The following YTHDC2 variants were observed in gnomAD, a reference collection of about 807,000 sequenced individuals.
The protein encoded by YTHDC2 is 3'-5' RNA helicase YTHDC2.
YTHDC2 carries 45 observed loss-of-function variants against 174.9 expected under a neutral mutation model. That is an observed-to-expected ratio of 0.26 (90% CI 0.20 to 0.33). YTHDC2 has a LOEUF of 0.33. Ranked by LOEUF, YTHDC2 falls within the 10% of genes least tolerant of loss-of-function variation. The pLI, the probability that YTHDC2 is intolerant of heterozygous loss-of-function variation, is 1.00. For synonymous variants in YTHDC2, 657 were observed against 574.5 expected (o/e 1.14, Z -2.05); for missense variants, 1,650 against 1,723.7 (o/e 0.96, Z 0.76).
chr5:113,579,450 G>C (rs1778260871), intron 23 of YTHDC2, 136 bp from the exon 24 acceptor site: 1 of 512,336 alleles, frequency 2.0e-6, no homozygotes, highest in South Asian at 5.6e-5. Flanking sequence ...GTGATCTTTT[G>C]AGTTTGAAGG....
At chr5:113,567,449 T>A in intron 22 of YTHDC2, 152 bp downstream of exon 22, 1 of 485,736 alleles carries the variant, frequency 2.1e-6, no homozygotes. Context: ...GGAACAAAAC[T>A]TATAAATTTT....
intron 10 of YTHDC2, 100 bp from the exon 11 acceptor site, chr5:113,548,441 A>T: frequency 8.3e-7 from 1 of 1,198,956 alleles, no homozygotes; most frequent in Admixed American, 2.8e-5. Flanking sequence ...CAGGCTAATT[A>T]TCCTGAAACT....
chr5:113,575,049 G>T (rs1336189685), intron 23 of YTHDC2, among the ~76,000 whole-genome samples: 1 of 149,290 alleles, frequency 6.7e-6, no homozygotes, highest in Non-Finnish European at 1.5e-5. Context: ...ATTCTCCATG[G>T]GTTGATTTGT....
intron 24 of YTHDC2, among the ~76,000 whole-genome samples, chr5:113,580,872 C>T (rs891789003): frequency 1.3e-5 from 2 of 152,190 alleles, no homozygotes; most frequent in African/African-American, 4.8e-5. Flanking sequence ...TTAGTTGTTT[C>T]ACAGACCCTG....
chr5:113,521,615 C>T (rs1003653044), intron 2 of YTHDC2, among the ~76,000 whole-genome samples: 4 of 151,578 alleles, frequency 2.6e-5, no homozygotes, highest in African/African-American at 7.3e-5. Flanking sequence ...GCTGTAGTCC[C>T]AGCTACTGGG....
intron 5 of YTHDC2, 142 bp from the exon 6 acceptor site, chr5:113,534,163 G>A (rs1774887543): frequency 1.9e-6 from 1 of 530,876 alleles, no homozygotes; most frequent in Non-Finnish European, 3.2e-6. Context: ...AAACCTCATA[G>A]CTTTACTAAT....
Position 113,553,272 on chromosome 5 carries a change from G to T in YTHDC2, c.1780G>T (p.Ala594Ser), listed in dbSNP as rs779755385. Residue 594 changes from alanine to serine, a missense_variant, in exon 13 of 30, where the codon GCT (alanine) becomes TCT (serine). Transcript: ENST00000161863. The stretch of plus-strand genomic sequence containing the variant: ...TGCTGAAGACAGAGAGCTCCTGAAA[G>T]CTTATCATCATAGTTTCGATGATGA... ...LSAEDRELLK[A>S]YHHSFDDEKV... 1.2e-6 allele frequency: 2 copies of T among 1,608,122 alleles called. No individual in the cohort carries two copies. The highest frequency in any genetic ancestry group is 1.7e-5 in the Admixed American group (1 of 59,160).
intron 27 of YTHDC2, among the ~76,000 whole-genome samples, 194 bp downstream of exon 27, chr5:113,591,438 C>G (rs531454894): frequency 6.6e-6 from 1 of 152,202 alleles, no homozygotes; most frequent in South Asian, 2.1e-4. Context: ...CCTTGTCTTA[C>G]CAGAGTCTTT....
At chr5:113,553,415 A>G (rs11950577) in intron 13 of YTHDC2, 56 bp downstream of exon 13, 59,308 of 1,504,574 alleles carry the variant, frequency 0.039, 2,912 homozygotes, top group African/African-American at 0.24. Context: ...AAGAATTAAT[A>G]TTTTAAGTGT....
At chr5:113,539,774 A>G (rs147821032) in intron 8 of YTHDC2, among the ~76,000 whole-genome samples, 62 of 152,264 alleles carry the variant, frequency 4.1e-4, no homozygotes, top group African/African-American at 1.4e-3. Context: ...CCCTTGGACA[A>G]AAATCTGAAC....
At chr5:113,593,244 T>C in intron 28 of YTHDC2, 59 bp from the exon 29 acceptor site, 1 of 1,289,944 alleles carries the variant, frequency 7.8e-7, no homozygotes, top group Non-Finnish European at 1.1e-6. Context: ...TAGGTTTTGG[T>C]CATTAAAAAT....
At chr5:113,534,541 C>G (rs910055977) in intron 6 of YTHDC2, 134 bp downstream of exon 6, 2 of 587,158 alleles carry the variant, frequency 3.4e-6, no homozygotes, top group African/African-American at 1.9e-5. Context: ...AGAGAACCAA[C>G]TTATTCTTTT....
chr5:113,529,492 CT>C (rs1209895858), intron 4 of YTHDC2, among the ~76,000 whole-genome samples: 18 of 152,082 alleles, frequency 1.2e-4, no homozygotes, highest in Admixed American at 1.2e-3. Context: ...GAGTTAACAT[CT>C]TTCTGTACTG....
rs972556723 is a variant in YTHDC2 at position 113,579,765 on chromosome 5, A to G, written c.3354+70A>G. The G allele has an allele frequency of 2.8e-6, 4 of 1,409,552 alleles. No homozygotes were observed. In the African/African-American group the frequency reaches 6.0e-5, roughly 21 times the overall value. 87.3% of individuals were successfully genotyped at this position (1,409,552 alleles called of 1,614,324 possible). A position where few individuals can be genotyped will look rare whatever the true frequency, so the allele number is the denominator to read the frequency against. On this transcript the variant is annotated intron_variant, in intron 24 of 29. Transcript: ENST00000161863. ...AGTGTGAATTGATATATAATATGAT[A>G]AAATTTTTTTCTTTACTATTGAGCC...
intron 17 of YTHDC2, among the ~76,000 whole-genome samples, chr5:113,560,869 C>T (rs1776916465): frequency 6.6e-6 from 1 of 152,112 alleles, no homozygotes; most frequent in Admixed American, 6.5e-5. Flanking sequence ...GGTAGGTGTC[C>T]TTCATGAATC....
At chr5:113,570,451 A>C (rs1777643961) in intron 23 of YTHDC2, among the ~76,000 whole-genome samples, 1 of 152,092 alleles carries the variant, frequency 6.6e-6, no homozygotes, top group Non-Finnish European at 1.5e-5. Flanking sequence ...GAATTCATTC[A>C]TGATTTGGCT....
chr5:113,569,658 G>T (rs1236124277), intron 23 of YTHDC2, among the ~76,000 whole-genome samples: 2 of 152,138 alleles, frequency 1.3e-5, no homozygotes, highest in Non-Finnish European at 2.9e-5. Context: ...GGTTGTAAGT[G>T]TGTGGTCTTA....
intron 26 of YTHDC2, among the ~76,000 whole-genome samples, chr5:113,589,461 TTA>T (rs1778894669): frequency 6.8e-6 from 1 of 147,706 alleles, no homozygotes; most frequent in Non-Finnish European, 1.5e-5. Flanking sequence ...CCGGCGTGGT[TTA>T]TGTCTGTAAT....
intron 24 of YTHDC2, among the ~76,000 whole-genome samples, chr5:113,580,545 G>A (rs563359269): frequency 6.6e-6 from 1 of 152,228 alleles, no homozygotes; most frequent in Admixed American, 6.5e-5. Flanking sequence ...GCTGTCAATA[G>A]TTAACACTGG....
Sources: gnomAD v4.1 joint callset for allele counts (sites outside exome capture counted in the v4.1 genomes callset) on GRCh38, gnomAD v4.1.1 for gene constraint, MANE v1.5 for transcripts, NCBI Gene and HGNC (gene_info 2026-07-23, HGNC 2026-07-21) for gene names.